The following SUSD4 variants were observed in gnomAD, a reference collection of about 807,000 sequenced individuals.
SUSD4 encodes sushi domain containing 4, also known as sushi domain-containing protein 4.
A neutral mutation model predicts 50.5 loss-of-function variants in SUSD4; 41 were observed. That is an observed-to-expected ratio of 0.81 (90% CI 0.63 to 1.05). The LOEUF (loss-of-function observed/expected upper bound fraction) is 1.05. Ranked by LOEUF, SUSD4 falls within the 50% of genes least tolerant of loss-of-function variation. The pLI, the probability that SUSD4 is intolerant of heterozygous loss-of-function variation, is 0.00. For synonymous variants in SUSD4, 257 were observed against 257.3 expected (o/e 1.00, Z 0.01); for missense variants, 580 against 634.7 (o/e 0.91, Z 0.93).
At chr1:223,351,288 A>C (rs1272105121) in intron 2 of SUSD4, among the ~76,000 whole-genome samples, 1 of 152,234 alleles carries the variant, frequency 6.6e-6, no homozygotes, top group Non-Finnish European at 1.5e-5. Flanking sequence ...TGTTGGTGAA[A>C]GGATATGAGG....
chr1:223,257,025 C>T (rs1443094963), intron 5 of SUSD4, among the ~76,000 whole-genome samples: 1 of 152,164 alleles, frequency 6.6e-6, no homozygotes, highest in Non-Finnish European at 1.5e-5. Context: ...CGGTGCTTGG[C>T]ATAGAGTAGG....
chr1:223,363,549 T>C, intron 1 of SUSD4, 89 bp from the exon 2 acceptor site: 2 of 1,340,574 alleles, frequency 1.5e-6, no homozygotes, highest in Non-Finnish European at 9.8e-7. Context: ...ACCCGGCGCC[T>C]CGGCTTCCCA....
At chr1:223,225,733 T>C (rs1261501239) in intron 7 of SUSD4, among the ~76,000 whole-genome samples, 2 of 152,044 alleles carry the variant, frequency 1.3e-5, no homozygotes, top group East Asian at 3.9e-4. Context: ...ACGCCTCTCT[T>C]CTCCATTTCT....
intron 2 of SUSD4, among the ~76,000 whole-genome samples, chr1:223,334,081 C>T (rs1002219095): frequency 1.3e-5 from 2 of 151,956 alleles, no homozygotes; most frequent in African/African-American, 4.8e-5. Context: ...TCAAGGAAGC[C>T]CCCAATTTGA....
intron 2 of SUSD4, among the ~76,000 whole-genome samples, chr1:223,362,308 A>T (rs1003089218): frequency 6.6e-6 from 1 of 152,240 alleles, no homozygotes; most frequent in Non-Finnish European, 1.5e-5. Flanking sequence ...TAAAACGCTA[A>T]AATGGTTTAT....
intron 5 of SUSD4, among the ~76,000 whole-genome samples, chr1:223,238,031 T>C (rs117749142): frequency 2.0e-5 from 3 of 152,128 alleles, no homozygotes; most frequent in South Asian, 2.1e-4. Context: ...AAAATAGATA[T>C]AGGCCTATTC....
At chr1:223,339,634 G>A (rs763049353) in intron 2 of SUSD4, among the ~76,000 whole-genome samples, 4 of 152,314 alleles carry the variant, frequency 2.6e-5, no homozygotes, top group South Asian at 4.1e-4. Context: ...AGAATCTCAC[G>A]ACACCTTTTA....
chr1:223,294,260 G>T (rs1042508110), intron 2 of SUSD4, among the ~76,000 whole-genome samples: 1 of 152,154 alleles, frequency 6.6e-6, no homozygotes, highest in African/African-American at 2.4e-5. Context: ...GGACAGGCTG[G>T]ACACCATCAA....
At chr1:223,319,376 C>A (rs919983321) in intron 2 of SUSD4, among the ~76,000 whole-genome samples, 1 of 149,762 alleles carries the variant, frequency 6.7e-6, no homozygotes. Context: ...CAACCTACAA[C>A]ATGGGAGAAA....
intron 5 of SUSD4, among the ~76,000 whole-genome samples, chr1:223,257,365 C>CA (rs113889113): frequency 3.6e-4 from 54 of 150,688 alleles, no homozygotes; most frequent in East Asian, 3.1e-3. Context: ...AATTAAAAAA[C>CA]AAAAAAAAAC....
In SUSD4 at chr1:223,257,316, C is replaced by A. The variant is rs116161447; in HGVS notation, c.724+7314G>T. 6.4e-3 allele frequency among the ~76,000 whole-genome samples: 964 copies of A among 151,632 alleles called. 11 individuals carry two copies. Among genetic ancestry groups the A allele is most frequent in the African/African-American group, 0.022 (908 of 41,306 alleles). On this transcript the variant is annotated intron_variant, in intron 5 of 8. Transcript: ENST00000366878. ...GCCAGGAGTTTGAGACCAGCCTGGG[C>A]AAAACAACGAGACCAAGTCTCTACA...
At chr1:223,292,203 T>C (rs901865274) in intron 3 of SUSD4, among the ~76,000 whole-genome samples, 6 of 152,208 alleles carry the variant, frequency 3.9e-5, no homozygotes, top group Non-Finnish European at 7.3e-5. Context: ...ACAAAAATGG[T>C]GATAAATTAG....
intron 5 of SUSD4, among the ~76,000 whole-genome samples, chr1:223,241,137 G>A (rs1660551770): frequency 1.3e-5 from 2 of 152,216 alleles, no homozygotes; most frequent in South Asian, 2.1e-4. Flanking sequence ...TACCCCAGCA[G>A]TTTTGGCTGT....
At chr1:223,309,281 A>T (rs1665732382) in intron 2 of SUSD4, among the ~76,000 whole-genome samples, 2 of 152,220 alleles carry the variant, frequency 1.3e-5, no homozygotes, top group Non-Finnish European at 2.9e-5. Flanking sequence ...GATCAGCCTC[A>T]TCCTTTTGAA....
At chr1:223,301,739 T>C (rs1259764095) in intron 2 of SUSD4, among the ~76,000 whole-genome samples, 1 of 152,166 alleles carries the variant, frequency 6.6e-6, no homozygotes, top group Non-Finnish European at 1.5e-5. Flanking sequence ...TCAAAAAACC[T>C]TGCCTATTTT....
chr1:223,310,170 A>G (rs923902887), intron 2 of SUSD4, among the ~76,000 whole-genome samples: 1 of 152,176 alleles, frequency 6.6e-6, no homozygotes, highest in South Asian at 2.1e-4. Context: ...AACCAGACAG[A>G]GAGGTCAGTG....
chr1:223,229,350 C>G lies in SUSD4; in HGVS notation c.763G>C (p.Val255Leu), dbSNP rs377586871. The change falls in exon 6 of 9, where the codon GTC becomes CTC. Residue 255 changes from valine (V) to leucine (L), a missense_variant. By Grantham distance (32) the Val-to-Leu change is conservative. Coordinates refer to ENST00000366878, the MANE Select transcript of SUSD4 (RefSeq NM_017982.4). The surrounding 1 kb of genome is among the most constrained non-coding windows in gnomAD (Gnocchi z 4.7). ...LPPMVSHGDF[V>L]CHPRPCERYN... Reference sequence around the variant, plus strand: ...CGCTCACAAGGCCGCGGGTGGCAGACGAAATCTCCGTGACTCACCATTGGA... The same window carrying G: ...CGCTCACAAGGCCGCGGGTGGCAGAGGAAATCTCCGTGACTCACCATTGGA... 3.1e-6 allele frequency: 5 copies of G among 1,605,228 alleles called. No homozygotes were observed. Among genetic ancestry groups the G allele is most frequent in the African/African-American group, 1.3e-5 (1 of 74,908 alleles).
At chr1:223,264,950 T>G in intron 4 of SUSD4, 132 bp from the exon 5 acceptor site, 1 of 853,914 alleles carries the variant, frequency 1.2e-6, no homozygotes, top group Non-Finnish European at 1.8e-6. Context: ...CTCTGAAGAA[T>G]GAAGCACCTT....
intron 5 of SUSD4, among the ~76,000 whole-genome samples, chr1:223,245,058 G>A (rs566083630): frequency 6.6e-6 from 1 of 152,230 alleles, no homozygotes; most frequent in East Asian, 1.9e-4. Context: ...TGCACCAACT[G>A]TTGGCTACAA....
Sources: allele counts gnomAD v4.1 joint callset (sites outside exome capture counted in the v4.1 genomes callset), GRCh38; gene constraint gnomAD v4.1.1; non-coding constraint Gnocchi (gnomAD v3.1); transcripts MANE v1.5; gene names NCBI Gene and HGNC (gene_info 2026-07-23, HGNC 2026-07-21).